FOXN3: variants seen among roughly 807,000 people sequenced by gnomAD.
FOXN3 encodes forkhead box N3.
A neutral mutation model predicts 38.4 loss-of-function variants in FOXN3; 7 were observed. The observed-to-expected ratio is 0.18, with a 90% CI of 0.10 to 0.34. The LOEUF (loss-of-function observed/expected upper bound fraction) is 0.34. Among genes scored for constraint, FOXN3 ranks in the 10% least tolerant of loss-of-function variants. The probability of loss-of-function intolerance (pLI) is 1.00; values close to 1 mark genes in which losing one functional copy is unlikely to be tolerated. For missense variants in FOXN3, 456 were observed against 613.4 expected, an observed-to-expected ratio of 0.74 and a Z score of 2.71; for synonymous variants, 230 against 242.2, an observed-to-expected ratio of 0.95 and a Z score of 0.47.
Position 89,354,857 on chromosome 14 carries a change from A to AAAAT in FOXN3, c.544-4053_544-4050dup, listed in dbSNP as rs574717535. ...GTGACAGAGTGAGACTCCGTCTCAA[A>AAAAT]AAATAAATAAATAAATAAATAAATA... On this transcript the variant is annotated intron_variant, in intron 2 of 5. Transcript: ENST00000557258. Among the ~76,000 whole-genome samples, 416 of 151,894 alleles carry AAAAT rather than the reference A, an allele frequency of 2.7e-3. 6 individuals carry two copies. Among genetic ancestry groups the AAAAT allele is most frequent in the Middle Eastern group, 0.01 (3 of 294 alleles).
At chr14:89,296,678 T>C (rs185587283) in intron 3 of FOXN3, among the ~76,000 whole-genome samples, 1 of 152,306 alleles carries the variant, frequency 6.6e-6, no homozygotes, top group Admixed American at 6.5e-5. Flanking sequence ...CTCTGTCGTC[T>C]AGGCTGGAGC....
intron 1 of FOXN3, among the ~76,000 whole-genome samples, chr14:89,519,370 C>G (rs1401146950): frequency 6.6e-6 from 1 of 151,974 alleles, no homozygotes; most frequent in East Asian, 1.9e-4. Context: ...GTTGGAAAAC[C>G]ATGAAAAAAA....
At chr14:89,421,635 T>TC (rs1891911923), upstream of FOXN3, among the ~76,000 whole-genome samples, 3 of 150,836 alleles carry the variant, frequency 2.0e-5, no homozygotes, top group African/African-American at 7.3e-5. Flanking sequence ...CAAGCAATTC[T>TC]CCTGCCTCAG....
chr14:89,344,973 T>TC (rs1888721382), intron 3 of FOXN3, among the ~76,000 whole-genome samples: 2 of 152,124 alleles, frequency 1.3e-5, no homozygotes, highest in African/African-American at 2.4e-5. Context: ...ACACCACCCC[T>TC]CCTTCCACTT....
intron 1 of FOXN3, among the ~76,000 whole-genome samples, chr14:89,416,147 G>C (rs939020033): frequency 6.6e-6 from 1 of 151,900 alleles, no homozygotes; most frequent in African/African-American, 2.4e-5. Context: ...GCACGCACGC[G>C]CTTCACTCTC....
rs1037433665 is a variant in FOXN3, at chr14:89,204,468, ATAGAC to A, written c.746-23667_746-23663del. On this transcript the variant is annotated intron_variant, in intron 4 of 5. Transcript: ENST00000557258. ...TCTAGTCAAATTCTTCCTCCGAAAA[ATAGAC>A]TAGGAAAAAAATAGAAAAGCCAATC... Among the ~76,000 whole-genome samples, 33 of 152,348 alleles carry A rather than the reference ATAGAC, an allele frequency of 2.2e-4. 1 individual carries two copies. The highest frequency in any genetic ancestry group is 7.7e-4 in the African/African-American group (32 of 41,574).
At chr14:89,355,424 A>G (rs1308544474) in intron 2 of FOXN3, among the ~76,000 whole-genome samples, 1 of 151,274 alleles carries the variant, frequency 6.6e-6, no homozygotes, top group African/African-American at 2.4e-5. Flanking sequence ...TTTAGTAGAG[A>G]CGGGGTTTCG....
chr14:89,490,358 A>G (rs1016734665), intron 1 of FOXN3, among the ~76,000 whole-genome samples: 26 of 152,328 alleles, frequency 1.7e-4, no homozygotes, highest in African/African-American at 5.5e-4. Context: ...CGGTGTTTAC[A>G]TATAGAAAGC....
intron 3 of FOXN3, among the ~76,000 whole-genome samples, chr14:89,306,358 T>C (rs1034012032): frequency 6.6e-6 from 1 of 150,568 alleles, no homozygotes; most frequent in African/African-American, 2.4e-5. Context: ...ACACACACTT[T>C]GGTTCTCTTT....
intron 1 of FOXN3, among the ~76,000 whole-genome samples, chr14:89,499,470 T>C (rs1484163433): frequency 6.6e-6 from 1 of 152,076 alleles, no homozygotes; most frequent in Non-Finnish European, 1.5e-5. Context: ...ATTTTGATTT[T>C]TTTTTTTTTT....
intron 3 of FOXN3, among the ~76,000 whole-genome samples, chr14:89,319,488 G>T (rs779906937): frequency 6.6e-6 from 1 of 151,974 alleles, no homozygotes; most frequent in African/African-American, 2.4e-5. Flanking sequence ...TTTTTACTGG[G>T]GACTCTTCAG....
At chr14:89,444,033 T>C (rs923234560) in intron 1 of FOXN3, among the ~76,000 whole-genome samples, 3 of 85,298 alleles carry the variant, frequency 3.5e-5, no homozygotes, top group African/African-American at 1.3e-4. Flanking sequence ...AAAAAAAGCA[T>C]ACTTGGAAGC....
At chr14:89,600,011 A>T (rs539594206) in intron 1 of FOXN3, among the ~76,000 whole-genome samples, 1 of 152,296 alleles carries the variant, frequency 6.6e-6, no homozygotes, top group Non-Finnish European at 1.5e-5. Context: ...ACCACTTCTT[A>T]CTCACCCCAC....
intron 3 of FOXN3, among the ~76,000 whole-genome samples, chr14:89,307,347 T>A: frequency 6.6e-6 from 1 of 151,908 alleles, no homozygotes; most frequent in Non-Finnish European, 1.5e-5. Context: ...GAGGCACTCA[T>A]CAGACTGTCT....
intron 3 of FOXN3, among the ~76,000 whole-genome samples, chr14:89,340,517 C>G (rs745478828): frequency 2.0e-5 from 3 of 152,120 alleles, no homozygotes; most frequent in Admixed American, 6.5e-5. Flanking sequence ...ATGGCAGAGT[C>G]TCAGAGATGC....
chr14:89,435,259 C>A, intron 1 of FOXN3, among the ~76,000 whole-genome samples: 1 of 151,822 alleles, frequency 6.6e-6, no homozygotes, highest in Non-Finnish European at 1.5e-5. Flanking sequence ...TGCACACCTG[C>A]TACTCATGAG....
intron 1 of FOXN3, among the ~76,000 whole-genome samples, chr14:89,613,909 AGG>A (rs1438806982): frequency 6.6e-6 from 1 of 152,186 alleles, no homozygotes; most frequent in African/African-American, 2.4e-5. Flanking sequence ...TACCAGGCAG[AGG>A]TGAATCTAGT....
chr14:89,182,298 C>G (rs1887694840), intron 4 of FOXN3, among the ~76,000 whole-genome samples: 1 of 152,188 alleles, frequency 6.6e-6, no homozygotes, highest in Non-Finnish European at 1.5e-5. Flanking sequence ...ATTTTACAGA[C>G]TGTCAATTCT....
intron 3 of FOXN3, among the ~76,000 whole-genome samples, chr14:89,325,881 T>A (rs924405804): frequency 3.9e-5 from 6 of 152,190 alleles, no homozygotes; most frequent in African/African-American, 1.4e-4. Flanking sequence ...CTAGCCCCTG[T>A]CCTGTCAAGT....
Sources: allele counts gnomAD v4.1 joint callset (sites outside exome capture counted in the v4.1 genomes callset), GRCh38; gene constraint gnomAD v4.1.1; transcripts MANE v1.5; gene names NCBI Gene and HGNC (gene_info 2026-07-23, HGNC 2026-07-21).